The following TRIM49 variants were observed in gnomAD, a reference collection of about 807,000 sequenced individuals.
The protein encoded by TRIM49 is tripartite motif containing 49, also known as tripartite motif-containing protein 49.
TRIM49 carries 5 observed loss-of-function variants against 27.4 expected under a neutral mutation model. The observed-to-expected ratio is 0.18, with a 90% CI of 0.10 to 0.38. TRIM49 has a LOEUF of 0.38. Ranked by LOEUF, TRIM49 falls within the 10% of genes least tolerant of loss-of-function variation. The pLI is 1.00. For missense variants in TRIM49, 188 were observed against 487.5 expected, an observed-to-expected ratio of 0.39 and a Z score of 5.79; for synonymous variants, 69 against 166.0, an observed-to-expected ratio of 0.42 and a Z score of 4.49.
the TRIM49 span, chr11:89,777,063 T>C: frequency 1.9e-6 from 3 of 1,549,890 alleles, 1 homozygote; most frequent in South Asian, 3.6e-5. Flanking sequence ...CGGTCACCAT[T>C]GACTGTGGGC....
chr11:89,802,713 A>C (rs908978227), intron 4 of TRIM49, among the ~76,000 whole-genome samples: 3 of 151,084 alleles, frequency 2.0e-5, no homozygotes, highest in African/African-American at 7.4e-5. Context: ...ACTTTGTTTC[A>C]ATTTGAATTT....
rs1257176085 is a variant in TRIM49, at chr11:89,800,492, C to G, written c.761+474G>C. 4.0e-5 allele frequency among the ~76,000 whole-genome samples: 6 copies of G among 151,444 alleles called. No individual in the cohort carries two copies. The East Asian group carries it at 7.7e-4, about 20-fold the overall frequency. On this transcript the variant is annotated intron_variant, in intron 6 of 7. Coordinates refer to ENST00000329758, the MANE Select transcript of TRIM49 (RefSeq NM_020358.2). ...GGCGCGGTGGTTCACGCCTGTAATC[C>G]CAGCACTTTGGGAGGCCGAGGCGGG...
chr11:89,780,035 T>C, the TRIM49 span, among the ~76,000 whole-genome samples: 4 of 99,230 alleles, frequency 4.0e-5, no homozygotes, highest in South Asian at 6.4e-4. Context: ...AGGTGTCTTC[T>C]ACTCTAGAGG....
chr11:89,798,555 C>A lies in TRIM49; in HGVS notation c.934G>T (p.Gly312Ter). The A allele has an allele frequency of 6.4e-7, 1 of 1,555,692 alleles. No homozygotes were observed. The highest frequency in any genetic ancestry group is 8.6e-7 in the Non-Finnish European group (1 of 1,160,782). Residue 312 changes from glycine to a stop codon, truncating the protein, a stop_gained, in exon 8 of 8, where the codon GGA becomes TGA. Transcript: ENST00000329758. LOFTEE classifies it low-confidence loss of function (END_TRUNC). The part of the protein sequence containing the change: ...LYEILRSMCI[G>*]CDHQDVPYFT... Reference sequence around the variant, plus strand: ...TAGGGTACATCTTGATGGTCACATCCAATACACATGCTTCTCAAAATTTCA... The same window carrying A: ...TAGGGTACATCTTGATGGTCACATCAAATACACATGCTTCTCAAAATTTCA...
chr11:89,803,964 G>A, intron 3 of TRIM49, 95 bp downstream of exon 3: 2 of 1,610,614 alleles, frequency 1.2e-6, no homozygotes, highest in Admixed American at 1.7e-5. Flanking sequence ...TGCTTAAAGG[G>A]ACTCAGAGTT....
At chr11:89,767,564 A>C in the TRIM49 span, among the ~76,000 whole-genome samples, 4 of 124,834 alleles carry the variant, frequency 3.2e-5, no homozygotes, top group Non-Finnish European at 1.5e-5. Context: ...AAAAGTGCAG[A>C]TTCCTTGCCA....
the TRIM49 span, among the ~76,000 whole-genome samples, chr11:89,772,074 TCTC>T: frequency 7.6e-6 from 1 of 131,080 alleles, no homozygotes; most frequent in Non-Finnish European, 1.5e-5. Context: ...CCCTCCTCTT[TCTC>T]CTCCTTCTCT....
chr11:89,807,657 T>A (rs1222035423), intron 1 of TRIM49, among the ~76,000 whole-genome samples: 1 of 151,018 alleles, frequency 6.6e-6, no homozygotes, highest in Non-Finnish European at 1.5e-5. Context: ...GCCTTCCAAG[T>A]AGCTACGACT....
chr11:89,805,941 A>G (rs1949786642), intron 2 of TRIM49, among the ~76,000 whole-genome samples: 1 of 150,642 alleles, frequency 6.6e-6, no homozygotes, highest in South Asian at 2.1e-4. Context: ...GCTGCACTTG[A>G]ACTTCTGGCC....
chr11:89,768,770 A>G, the TRIM49 span: 1 of 501,788 alleles, frequency 2.0e-6, no homozygotes, highest in Non-Finnish European at 3.9e-6. Context: ...TGTTTTTCAC[A>G]GCACGCCTTG....
At chr11:89,796,249 A>G (rs1370886179), downstream of TRIM49, among the ~76,000 whole-genome samples, 1 of 151,692 alleles carries the variant, frequency 6.6e-6, no homozygotes, top group Non-Finnish European at 1.5e-5. Flanking sequence ...AGTTTGTTTT[A>G]TTATGAGACA....
chr11:89,792,715 T>C (rs545784242), downstream of TRIM49, among the ~76,000 whole-genome samples: 7 of 152,094 alleles, frequency 4.6e-5, no homozygotes, highest in East Asian at 1.9e-4. Flanking sequence ...AGACACAACA[T>C]ACTGGAATCT....
chr11:89,776,419 T>G, the TRIM49 span, among the ~76,000 whole-genome samples: 1 of 147,994 alleles, frequency 6.8e-6, no homozygotes, highest in Non-Finnish European at 1.5e-5. Context: ...CACCACGCCC[T>G]GCTAATTTTT....
chr11:89,794,816 A>T (rs1228845806), downstream of TRIM49, among the ~76,000 whole-genome samples: 1 of 141,532 alleles, frequency 7.1e-6, no homozygotes, highest in African/African-American at 2.7e-5. Context: ...ACCATTGAGG[A>T]CATAGGCATG....
At chr11:89,771,557 A>G in the TRIM49 span, among the ~76,000 whole-genome samples, 1 of 93,004 alleles carries the variant, frequency 1.1e-5, no homozygotes, top group Non-Finnish European at 2.2e-5. Flanking sequence ...AGTGTCTTTA[A>G]TATTATTTGT....
At chr11:89,784,689 C>G in the TRIM49 span, among the ~76,000 whole-genome samples, 1 of 143,066 alleles carries the variant, frequency 7.0e-6, no homozygotes, top group Non-Finnish European at 1.5e-5. Flanking sequence ...ATGCAGCAGT[C>G]AATGCCTCAT....
Position 89,808,554 on chromosome 11 carries a change from T to C in TRIM49, c.-308A>G, listed in dbSNP as rs1358899099. ...AATCAAAGCTTTGGTTTAAAGTCAA[T>C]AGGGGGCAACTGGAAGATTAGAGTC... On this transcript the variant is annotated 5_prime_UTR_variant, in exon 1 of 8. Coordinates refer to ENST00000329758, the MANE Select transcript of TRIM49 (RefSeq NM_020358.2). 14 of 151,648 alleles carry C rather than the reference T, an allele frequency of 9.2e-5. No homozygotes were observed. The highest frequency in any genetic ancestry group is 7.8e-4 in the Admixed American group (12 of 15,292). The allele number at this position is 151,648 out of a possible 1,614,324, so 9.4% of individuals were successfully genotyped here.
chr11:89,785,563 A>G, the TRIM49 span, among the ~76,000 whole-genome samples: 3 of 143,340 alleles, frequency 2.1e-5, no homozygotes, highest in South Asian at 6.5e-4. Flanking sequence ...GAGATAGAGG[A>G]GAGAATAAAT....
the TRIM49 span, among the ~76,000 whole-genome samples, chr11:89,783,907 G>T: frequency 2.8e-5 from 4 of 143,570 alleles, no homozygotes; most frequent in Non-Finnish European, 4.5e-5. Flanking sequence ...TTACCTCTGT[G>T]TGCAGGAAAC....
Sources: allele counts gnomAD v4.1 joint callset (sites outside exome capture counted in the v4.1 genomes callset), GRCh38; gene constraint gnomAD v4.1.1; transcripts MANE v1.5; gene names NCBI Gene and HGNC (gene_info 2026-07-23, HGNC 2026-07-21).